The following ANKHD1 variants were observed in gnomAD, a reference collection of about 807,000 sequenced individuals.
ANKHD1 encodes the protein ankyrin repeat and KH domain-containing protein 1.
In ANKHD1, 31 loss-of-function variants were observed where a neutral mutation model predicts 230.5. The observed-to-expected ratio is 0.13, with a 90% CI of 0.10 to 0.18. ANKHD1 has a LOEUF of 0.18. ANKHD1 is among the 10% of genes least tolerant of loss of function. The pLI is 1.00. For synonymous variants in ANKHD1, 1,074 were observed against 1,117.6 expected (o/e 0.96, Z 0.78); for missense variants, 2,256 against 3,071.3 (o/e 0.73, Z 6.27).
At chr5:140,426,485 T>G (rs1561701162) in intron 1 of ANKHD1, among the ~76,000 whole-genome samples, 1 of 152,144 alleles carries the variant, frequency 6.6e-6, no homozygotes, top group Non-Finnish European at 1.5e-5. Context: ...AAAGGTTTAG[T>G]CTTTCCTTGA....
Position 140,526,841 on chromosome 5 carries a change from G to A in ANKHD1, c.4941-87G>A. The A allele has an allele frequency of 5.5e-6, 8 of 1,455,566 alleles. 1 individual carries two copies. The South Asian group carries it at 9.7e-5, about 18-fold the overall frequency. 90.2% of individuals were successfully genotyped at this position (1,455,566 alleles called of 1,614,324 possible). On this transcript the variant is annotated intron_variant, in intron 26 of 33. Coordinates refer to ENST00000360839, the MANE Select transcript of ANKHD1 (RefSeq NM_017747.3). The stretch of plus-strand genomic sequence containing the variant: ...GCCAAAGTTTAATACGAATATTTCA[G>A]CGTAACTCTGGCTATAAAGGAATAG...
intron 1 of ANKHD1, among the ~76,000 whole-genome samples, chr5:140,414,611 C>A (rs1033524154): frequency 1.3e-5 from 2 of 152,094 alleles, no homozygotes; most frequent in Admixed American, 6.6e-5. Flanking sequence ...GCAGAAAGAT[C>A]ATCTGAGCCC....
rs376848702 is a variant in ANKHD1 at position 140,507,764 on chromosome 5, T to C, written c.3552-21T>C. 3.1e-6 allele frequency: 5 copies of C among 1,606,706 alleles called. No individual in the cohort carries two copies. Among genetic ancestry groups the C allele is most frequent in the Admixed American group, 3.4e-5 (2 of 59,500 alleles). On this transcript the variant is annotated intron_variant, in intron 19 of 33. Coordinates refer to ENST00000360839, the MANE Select transcript of ANKHD1 (RefSeq NM_017747.3). The surrounding 1 kb of genome is among the most constrained non-coding windows in gnomAD (Gnocchi z 4.1). ...TAGGCAACATATTATTTTAATTTTC[T>C]AAGCACATTTCCCCCTTTAGGACTG...
rs879799238 is a variant in ANKHD1, at chr5:140,452,265, A to C, written c.1242+2960A>C. On this transcript the variant is annotated intron_variant, in intron 7 of 33. Transcript: ENST00000360839. ...AGCCCACTGCTGCTCAAGGAGGCCT[A>C]CCTGTCTCTGTAGACTCCACCTCTG... 1.5e-3 allele frequency among the ~76,000 whole-genome samples: 235 copies of C among 152,314 alleles called. 4 individuals are homozygous for C. In the Middle Eastern group the frequency reaches 0.017, roughly 11 times the overall value.
intron 8 of ANKHD1, 135 bp from the exon 9 acceptor site, chr5:140,459,018 ATATATATATAT>A (rs1473768303): frequency 3.1e-4 from 38 of 121,004 alleles, no homozygotes; most frequent in South Asian, 5.6e-4. Context: ...ATATATATAT[ATATATATATAT>A]TGCATTGATG....
intron 7 of ANKHD1, among the ~76,000 whole-genome samples, chr5:140,450,206 CAT>C (rs1479561957): frequency 1.3e-5 from 2 of 152,110 alleles, no homozygotes; most frequent in Non-Finnish European, 2.9e-5. Flanking sequence ...CATCATTACA[CAT>C]GTTAATTTGT....
intron 10 of ANKHD1, among the ~76,000 whole-genome samples, chr5:140,469,381 C>G (rs909282417): frequency 6.7e-6 from 1 of 148,514 alleles, no homozygotes; most frequent in African/African-American, 2.5e-5. Flanking sequence ...TGTGGTTGTG[C>G]GTGTCTGTAG....
In ANKHD1 at chr5:140,526,908, T is replaced by A; in HGVS notation, c.4941-20T>A. 1.9e-6 allele frequency: 3 copies of A among 1,600,440 alleles called. No homozygotes were observed. Among genetic ancestry groups the A allele is most frequent in the Non-Finnish European group, 2.6e-6 (3 of 1,175,458 alleles). On this transcript the variant is annotated intron_variant, in intron 26 of 33. Coordinates refer to ENST00000360839, the MANE Select transcript of ANKHD1 (RefSeq NM_017747.3). ...CTTAAAACTTATCTTTTATTGTACT[T>A]GCTATTTGTCTCTTCTTAGACTTGA... is the stretch of plus-strand genomic sequence containing the variant.
chr5:140,450,440 G>A (rs548746345), intron 7 of ANKHD1, among the ~76,000 whole-genome samples: 6 of 151,750 alleles, frequency 4.0e-5, no homozygotes, highest in Non-Finnish European at 7.4e-5. Flanking sequence ...AGTGATTCTC[G>A]TGCCTCAGCT....
intron 1 of ANKHD1, among the ~76,000 whole-genome samples, chr5:140,416,110 T>C (rs1771364909): frequency 2.0e-5 from 3 of 152,172 alleles, no homozygotes; most frequent in Admixed American, 2.0e-4. Context: ...CTACAAAGGA[T>C]ACAAACTCAT....
chr5:140,459,001 T>TATATATATATATATATATATGC (rs1561755611), intron 8 of ANKHD1, 139 bp downstream of exon 8: 1 of 60,158 alleles, frequency 1.7e-5, no homozygotes, highest in African/African-American at 7.9e-5. Context: ...TATATGCATA[T>TATATATATATATATATATATGC]ATATATATAT....
intron 26 of ANKHD1, 48 bp downstream of exon 26, chr5:140,526,491 TG>T: frequency 5.2e-6 from 8 of 1,545,006 alleles, no homozygotes; most frequent in Non-Finnish European, 7.0e-6. Flanking sequence ...TCCTTCTTCA[TG>T]CCTGGTACAA....
chr5:140,512,475 T>G (rs1752814159), intron 22 of ANKHD1, among the ~76,000 whole-genome samples: 2 of 152,188 alleles, frequency 1.3e-5, no homozygotes, highest in Non-Finnish European at 2.9e-5. Flanking sequence ...CACCAATGTT[T>G]GTTTAATAGA....
intron 9 of ANKHD1, among the ~76,000 whole-genome samples, chr5:140,464,318 A>G (rs981129678): frequency 7.2e-5 from 11 of 152,068 alleles, no homozygotes; most frequent in African/African-American, 2.7e-4. Flanking sequence ...CATTTGATTT[A>G]TACCACAATA....
chr5:140,464,705 G>A lies in ANKHD1; in HGVS notation c.1711G>A (p.Ala571Thr). The change falls in exon 10 of 34, where the codon GCC becomes ACC. Residue 571 changes from alanine (A) to threonine (T), a missense_variant. Physicochemically the swap from Ala to Thr is moderately conservative, Grantham distance 58. Transcript: ENST00000360839. ...TGCTACAACAGCAACAGGAGACACA[G>A]CCTTAACCTATGCTTGTGAAAATGG... The part of the protein sequence containing the change: ...VHATTATGDT[A>T]LTYACENGHT... 1 of 1,607,040 alleles carries A rather than the reference G, an allele frequency of 6.2e-7. No homozygotes were observed. Among genetic ancestry groups the A allele is most frequent in the Non-Finnish European group, 8.5e-7 (1 of 1,174,818 alleles).
Position 140,438,587 on chromosome 5 carries a change from A to G in ANKHD1, c.587A>G (p.Glu196Gly), listed in dbSNP as rs769784415. 5.6e-6 allele frequency: 9 copies of G among 1,609,892 alleles called. No homozygotes were observed. The South Asian group carries it at 1.0e-4, about 18-fold the overall frequency. ...AAAALTRMKA[E>G]NSHNAGQVDT... ...GCTGCACTGACACGGATGAAAGCAG[A>G]AAACAGCCACAATGCAGGACAAGTG... is the stretch of plus-strand genomic sequence containing the variant. Residue 196 changes from glutamate to glycine, a missense_variant, in exon 3 of 34, where the codon GAA (glutamate) becomes GGA (glycine). Around this residue, in one of 13 missense-constraint regions of ANKHD1, gnomAD observed 206 missense variants for 304.5 expected, o/e 0.68. Transcript: ENST00000360839.
intron 14 of ANKHD1, among the ~76,000 whole-genome samples, chr5:140,492,133 A>G (rs924584358): frequency 4.6e-5 from 7 of 152,206 alleles, no homozygotes; most frequent in African/African-American, 1.7e-4. Flanking sequence ...TTAAAATTAT[A>G]TAGAAAAATT....
intron 29 of ANKHD1, among the ~76,000 whole-genome samples, chr5:140,531,705 C>A (rs139722934): frequency 2.0e-5 from 3 of 152,084 alleles, no homozygotes; most frequent in African/African-American, 7.2e-5. Flanking sequence ...CACAGTTCCT[C>A]AGAAAGTTAG....
rs1752572778 is a variant in ANKHD1 at position 140,507,111 on chromosome 5, A to G, written c.3551+134A>G. ...AGTTGCAAAGCCAACGATTATACCT[A>G]TAATGTGTTTGTTTATAAGTAATCT... On this transcript the variant is annotated intron_variant, in intron 19 of 33. Coordinates refer to ENST00000360839, the MANE Select transcript of ANKHD1 (RefSeq NM_017747.3). This position sits in a 1 kb window ranked among gnomAD's most constrained non-coding sequence, Gnocchi z 4.1. The G allele has an allele frequency of 1.5e-6, 2 of 1,292,080 alleles. No individual in the cohort carries two copies. Among genetic ancestry groups the G allele is most frequent in the African/African-American group, 1.5e-5 (1 of 66,884 alleles). 80.0% of individuals were successfully genotyped at this position (1,292,080 alleles called of 1,614,324 possible). A position where few individuals can be genotyped will look rare whatever the true frequency, so the allele number is the denominator to read the frequency against.
Sources: gnomAD v4.1 joint callset for allele counts (sites outside exome capture counted in the v4.1 genomes callset) on GRCh38, gnomAD v4.1.1 for gene constraint, gnomAD v4.1.1 regional missense constraint, Gnocchi (gnomAD v3.1) non-coding constraint, MANE v1.5 for transcripts, NCBI Gene and HGNC (gene_info 2026-07-23, HGNC 2026-07-21) for gene names.